The following SLC30A5 variants were observed in gnomAD, a reference collection of about 807,000 sequenced individuals.
SLC30A5 encodes the protein solute carrier family 30 member 5.
Under a neutral mutation model 79.6 loss-of-function variants are expected in SLC30A5, and 33 were observed. The observed-to-expected ratio is 0.41, with a 90% CI of 0.31 to 0.55. SLC30A5 has a LOEUF of 0.55. Ranked by LOEUF, SLC30A5 falls within the 20% of genes least tolerant of loss-of-function variation. The pLI is 0.20. For missense variants in SLC30A5, 788 were observed against 928.1 expected, an observed-to-expected ratio of 0.85 and a Z score of 1.96; for synonymous variants, 299 against 319.7, an observed-to-expected ratio of 0.94 and a Z score of 0.69.
chr5:69,104,432 G>C, intron 3 of SLC30A5, 199 bp from the exon 4 acceptor site: 3 of 1,323,306 alleles, frequency 2.3e-6, no homozygotes, highest in Non-Finnish European at 1.9e-6. Context: ...ATGAGCCACA[G>C]CACCCGGCCC....
chr5:69,121,658 T>G (rs762732916), intron 12 of SLC30A5, 36 bp from the exon 13 acceptor site: 1 of 1,416,426 alleles, frequency 7.1e-7, no homozygotes, highest in Admixed American at 2.1e-5. Context: ...ATTTTTAAAT[T>G]ACTAATTTAA....
intron 1 of SLC30A5, among the ~76,000 whole-genome samples, chr5:69,096,045 G>C (rs944716778): frequency 6.6e-6 from 1 of 152,132 alleles, no homozygotes; most frequent in Non-Finnish European, 1.5e-5. Flanking sequence ...CTCCAGCCTG[G>C]GTGACAGAGC....
chr5:69,103,004 C>G, intron 2 of SLC30A5, 58 bp from the exon 3 acceptor site: 1 of 832,854 alleles, frequency 1.2e-6, no homozygotes, highest in Non-Finnish European at 1.9e-6. Context: ...TTACTTAAAA[C>G]TGTATCTTGT....
At position 69,129,877 on chromosome 5, in the gene SLC30A5, T is replaced by C. The variant is rs956260032; in HGVS notation, c.*260T>C. 3.2e-5 allele frequency: 8 copies of C among 253,564 alleles called. No individual in the cohort carries two copies. The highest frequency in any genetic ancestry group is 5.9e-5 in the Non-Finnish European group (8 of 134,488). The allele number at this position is 253,564 out of a possible 1,614,324, so 15.7% of individuals were successfully genotyped here. On this transcript the variant is annotated 3_prime_UTR_variant, in exon 16 of 16. Transcript: ENST00000396591. ...TGATGTATTACATCATCTTCAAAAATAGATATGATGGATTCTAGTGAAGAC... is the reference window on the plus strand; with the variant it reads ...TGATGTATTACATCATCTTCAAAAACAGATATGATGGATTCTAGTGAAGAC...
intron 14 of SLC30A5, 34 bp from the exon 15 acceptor site, chr5:69,127,970 T>C: frequency 6.3e-7 from 1 of 1,581,254 alleles, no homozygotes; most frequent in Non-Finnish European, 8.7e-7. Context: ...AAGTAGCCTG[T>C]ATGACCATTT....
rs1013794134 is a variant in SLC30A5 at position 69,128,852 on chromosome 5, G to T, written c.2128-595G>T. On this transcript the variant is annotated intron_variant, in intron 15 of 15. Coordinates refer to ENST00000396591, the MANE Select transcript of SLC30A5 (RefSeq NM_022902.5). Reference sequence around the variant, plus strand: ...AGCCCTGTTCTAGATGTGCCAAATTGGAAACAATGGCTGTTTTCCTTTTCT... The same window carrying T: ...AGCCCTGTTCTAGATGTGCCAAATTTGAAACAATGGCTGTTTTCCTTTTCT... Among the ~76,000 whole-genome samples, 21 of 152,200 alleles carry T rather than the reference G, an allele frequency of 1.4e-4. No individual in the cohort carries two copies. The South Asian group carries it at 2.7e-3, about 20-fold the overall frequency.
At chr5:69,098,434 G>A (rs1335145095) in intron 1 of SLC30A5, among the ~76,000 whole-genome samples, 1 of 152,086 alleles carries the variant, frequency 6.6e-6, no homozygotes, top group Admixed American at 6.5e-5. Context: ...GCTGAGGCAG[G>A]AGAATTGCTT....
chr5:69,103,362 G>A (rs562298651), intron 3 of SLC30A5, among the ~76,000 whole-genome samples: 1 of 152,258 alleles, frequency 6.6e-6, no homozygotes, highest in African/African-American at 2.4e-5. Context: ...AAGCATTCAT[G>A]TAATTGTTTT....
Position 69,094,078 on chromosome 5 carries a change from C to G in SLC30A5, c.-178C>G, listed in dbSNP as rs1024943439. ...GGAACTGATCGCGGCCTAGTCCCGA[C>G]GCGTGTGTGCTAGTGAGCCGGAGCC... On this transcript the variant is annotated 5_prime_UTR_variant, in exon 1 of 16. Transcript: ENST00000396591. 1 of 402,444 alleles carries G rather than the reference C, an allele frequency of 2.5e-6. No homozygotes were observed. The highest frequency in any genetic ancestry group is 2.1e-5 in the African/African-American group (1 of 48,454). The allele number at this position is 402,444 out of a possible 1,614,324, so 24.9% of individuals were successfully genotyped here. A position where few individuals can be genotyped will look rare whatever the true frequency, so the allele number is the denominator to read the frequency against.
At chr5:69,115,147 A>T in intron 7 of SLC30A5, 90 bp from the exon 8 acceptor site, 1 of 224,544 alleles carries the variant, frequency 4.5e-6, no homozygotes, top group Non-Finnish European at 7.1e-6. Flanking sequence ...AAAAAAAAAA[A>T]AAAAAAAAAA....
chr5:69,095,141 A>G (rs776241843), intron 1 of SLC30A5, among the ~76,000 whole-genome samples: 1 of 152,048 alleles, frequency 6.6e-6, no homozygotes, highest in Admixed American at 6.6e-5. Flanking sequence ...ATATTTAAAG[A>G]AAGTGATAAA....
intron 12 of SLC30A5, among the ~76,000 whole-genome samples, chr5:69,119,277 A>G: frequency 6.7e-6 from 1 of 150,330 alleles, no homozygotes; most frequent in African/African-American, 2.4e-5. Flanking sequence ...CTCCTGTCTC[A>G]GCTTCCCGAG....
At chr5:69,101,403 C>T (rs796199415) in intron 2 of SLC30A5, among the ~76,000 whole-genome samples, 2 of 151,656 alleles carry the variant, frequency 1.3e-5, no homozygotes, top group Non-Finnish European at 2.9e-5. Context: ...CTCAGCCTCC[C>T]GAGTAGCTGG....
rs376842205 is a variant in SLC30A5 at position 69,128,956 on chromosome 5, G to A, written c.2128-491G>A. Among the ~76,000 whole-genome samples, 25 of 152,126 alleles carry A rather than the reference G, an allele frequency of 1.6e-4. 2 individuals are homozygous for A. Among genetic ancestry groups the A allele is most frequent in the East Asian group, 1.5e-3 (8 of 5,184 alleles). Reference sequence around the variant, plus strand: ...CTAACTAAATGATGAATATTACTTCGAAGATTTATCTTGGACTACTGTAAC... The same window carrying A: ...CTAACTAAATGATGAATATTACTTCAAAGATTTATCTTGGACTACTGTAAC... On this transcript the variant is annotated intron_variant, in intron 15 of 15. Transcript: ENST00000396591.
At chr5:69,103,258 T>C (rs1201191467) in intron 3 of SLC30A5, 130 bp downstream of exon 3, 3 of 579,510 alleles carry the variant, frequency 5.2e-6, no homozygotes, top group Non-Finnish European at 3.1e-6. Flanking sequence ...TAGAGTTAAC[T>C]TGCTCTTGTC....
chr5:69,103,200 T>C lies in SLC30A5; in HGVS notation c.273+72T>C. 4.0e-6 allele frequency: 3 copies of C among 758,800 alleles called. No homozygotes were observed. In the South Asian group the frequency reaches 5.0e-5, roughly 13 times the overall value. The allele number at this position is 758,800 out of a possible 1,614,324, so 47.0% of individuals were successfully genotyped here. A position where few individuals can be genotyped will look rare whatever the true frequency, so the allele number is the denominator to read the frequency against. On this transcript the variant is annotated intron_variant, in intron 3 of 15. Transcript: ENST00000396591. The stretch of plus-strand genomic sequence containing the variant: ...TGGGCCAGGAGGCAATGCTTATTTT[T>C]TATAATGGGTACTTAATGAATGATT...
chr5:69,121,892 AG>A lies in SLC30A5; in HGVS notation c.1771+1del. The A allele has an allele frequency of 6.2e-7, 1 of 1,612,244 alleles. No individual in the cohort carries two copies. Among genetic ancestry groups the A allele is most frequent in the Non-Finnish European group, 8.5e-7 (1 of 1,179,076 alleles). On this transcript the variant is annotated frameshift_variant and splice_region_variant, in exon 13 of 16. Transcript: ENST00000396591. LOFTEE classifies it high-confidence loss of function. ...GGGTGGAGGCATGAATGCTAACATG[AG>A]GGGTGAGTCCTTGCAAAATATTATC... ...SAGGGMNANM[R>X]GVFLHVLADT... is the part of the protein sequence containing the mutation.
At chr5:69,120,458 T>C (rs1036550914) in intron 12 of SLC30A5, among the ~76,000 whole-genome samples, 3 of 152,210 alleles carry the variant, frequency 2.0e-5, no homozygotes, top group African/African-American at 7.2e-5. Context: ...TGTGTATGTA[T>C]GTTAGTACAC....
At chr5:69,106,480 C>T (rs1746081858) in intron 4 of SLC30A5, among the ~76,000 whole-genome samples, 1 of 152,110 alleles carries the variant, frequency 6.6e-6, no homozygotes, top group Admixed American at 6.6e-5. Flanking sequence ...AGCTCCTGAC[C>T]TTATCACTAC....
Sources: allele counts gnomAD v4.1 joint callset (sites outside exome capture counted in the v4.1 genomes callset), GRCh38; gene constraint gnomAD v4.1.1; transcripts MANE v1.5; gene names NCBI Gene and HGNC (gene_info 2026-07-23, HGNC 2026-07-21).